The following DLGAP2 variants were observed in gnomAD, a reference collection of about 807,000 sequenced individuals.
DLGAP2 encodes the protein disks large-associated protein 2.
In DLGAP2, 26 loss-of-function variants were observed where a neutral mutation model predicts 100.3. That is an observed-to-expected ratio of 0.26 (90% CI 0.19 to 0.36). The LOEUF is 0.36. Ranked by LOEUF, DLGAP2 falls within the 10% of genes least tolerant of loss-of-function variation. The pLI is 1.00. For synonymous variants in DLGAP2, 886 were observed against 630.1 expected (o/e 1.41, Z -6.08); for missense variants, 1,858 against 1,453.2 (o/e 1.28, Z -4.53).
intron 2 of DLGAP2, among the ~76,000 whole-genome samples, chr8:1,159,408 C>A (rs923559174): frequency 6.6e-6 from 1 of 152,206 alleles, no homozygotes; most frequent in Admixed American, 6.5e-5. Context: ...ATCAAAAATG[C>A]ATCTCAGAGC....
chr8:924,930 T>C (rs1404750254), intron 2 of DLGAP2, among the ~76,000 whole-genome samples: 1 of 152,190 alleles, frequency 6.6e-6, no homozygotes, highest in African/African-American at 2.4e-5. Context: ...GAAGGCCTGC[T>C]TGCTATTAAT....
chr8:1,548,675 C>A lies in DLGAP2; in HGVS notation c.222C>A (p.Tyr74Ter). The change falls in exon 5 of 15, where the codon TAC becomes TAA. Residue 74 changes from tyrosine to a stop codon, truncating the protein, a stop_gained. Transcript: ENST00000637795. LOFTEE classifies it high-confidence loss of function. Reference protein sequence around the residue: ...SPTQHFNEERYSPAPRSMKGL... With the variant: ...SPTQHFNEER ...CGCAGCACTTCAATGAGGAGCGCTACTCGCCCGCGCCCAGGAGCATGAAGG... is the reference window on the plus strand; with the variant it reads ...CGCAGCACTTCAATGAGGAGCGCTAATCGCCCGCGCCCAGGAGCATGAAGG... The A allele has an allele frequency of 1.3e-6, 2 of 1,598,730 alleles. No homozygotes were observed. Among genetic ancestry groups the A allele is most frequent in the Non-Finnish European group, 1.7e-6 (2 of 1,174,256 alleles).
chr8:815,890 C>T (rs1183385099), intron 1 of DLGAP2, among the ~76,000 whole-genome samples: 1 of 152,166 alleles, frequency 6.6e-6, no homozygotes, highest in African/African-American at 2.4e-5. Flanking sequence ...TTGGGAGCTT[C>T]AGTGTTAGTT....
In DLGAP2 at chr8:1,561,931, G is replaced by T. The variant is rs188376555; in HGVS notation, c.1231-3752G>T. On this transcript the variant is annotated intron_variant, in intron 5 of 14. Coordinates refer to ENST00000637795, the MANE Select transcript of DLGAP2 (RefSeq NM_001346810.2). Reference sequence around the variant, plus strand: ...TGTGGAGTTGGGGTGTCCGCGCCTCGTTGCTGCGGGACTGTGTGGTGTTGG... The same window carrying T: ...TGTGGAGTTGGGGTGTCCGCGCCTCTTTGCTGCGGGACTGTGTGGTGTTGG... Among the ~76,000 whole-genome samples the T allele has an allele frequency of 3.6e-3, 206 of 57,646 alleles. 24 individuals are homozygous for T. The highest frequency in any genetic ancestry group is 0.015 in the African/African-American group (195 of 12,844). The allele number at this position is 57,646 out of a possible 152,430, so 37.8% of individuals were successfully genotyped here. A position where few individuals can be genotyped will look rare whatever the true frequency, so the allele number is the denominator to read the frequency against.
At chr8:1,624,885 CTT>C (rs1417159163) in intron 6 of DLGAP2, among the ~76,000 whole-genome samples, 1 of 151,202 alleles carries the variant, frequency 6.6e-6, no homozygotes, top group Non-Finnish European at 1.5e-5. Flanking sequence ...CTCTCTCTCT[CTT>C]TCCTTTTTTT....
intron 1 of DLGAP2, among the ~76,000 whole-genome samples, chr8:829,045 C>G (rs1455912836): frequency 6.6e-6 from 1 of 152,116 alleles, no homozygotes; most frequent in Non-Finnish European, 1.5e-5. Flanking sequence ...TTTGACAAAC[C>G]TGATTTTTTT....
rs369144096 is a variant in DLGAP2 at position 1,678,403 on chromosome 8, C to T, written c.2478C>T (p.Leu826=). The T allele has an allele frequency of 3.1e-6, 5 of 1,613,750 alleles. No homozygotes were observed. In the East Asian group the frequency reaches 6.7e-5, roughly 22 times the overall value. Residue 826 remains leucine, a synonymous_variant, in exon 12 of 15, where the codon CTC becomes CTT. Transcript: ENST00000637795. ...SAVRTVRTQG[L]FSYREDYRTQ... ...TGAGAACTGTACGGACCCAGGGGCT[C>T]TTCAGCTATAGAGAAGACTATCGGA...
intron 1 of DLGAP2, among the ~76,000 whole-genome samples, chr8:757,551 T>C (rs896493509): frequency 2.0e-5 from 3 of 152,152 alleles, no homozygotes; most frequent in Admixed American, 6.5e-5. Context: ...GGTTTTCCAT[T>C]TGGACCCGGC....
chr8:790,881 G>C (rs1822007381), intron 1 of DLGAP2, among the ~76,000 whole-genome samples: 1 of 152,062 alleles, frequency 6.6e-6, no homozygotes, highest in African/African-American at 2.4e-5. Flanking sequence ...GAGTAGCTGG[G>C]ACTACAGGTG....
chr8:1,200,915 G>C (rs553590472), intron 2 of DLGAP2, among the ~76,000 whole-genome samples: 2 of 152,210 alleles, frequency 1.3e-5, no homozygotes, highest in African/African-American at 4.8e-5. Context: ...CGCCGCCTCC[G>C]GGCGGTGCGC....
At chr8:1,340,086 T>A (rs557078557) in intron 3 of DLGAP2, among the ~76,000 whole-genome samples, 1 of 152,236 alleles carries the variant, frequency 6.6e-6, no homozygotes, top group African/African-American at 2.4e-5. Context: ...ATGCCAAAAT[T>A]AATTCAAGAT....
At chr8:1,692,975 CAT>C (rs1450032548) in intron 13 of DLGAP2, among the ~76,000 whole-genome samples, 2 of 147,796 alleles carry the variant, frequency 1.4e-5, no homozygotes, top group South Asian at 2.1e-4. Flanking sequence ...ATATACATCT[CAT>C]ATATATTAGA....
intron 1 of DLGAP2, among the ~76,000 whole-genome samples, chr8:825,461 C>A (rs187241533): frequency 6.6e-6 from 1 of 152,192 alleles, no homozygotes; most frequent in Non-Finnish European, 1.5e-5. Flanking sequence ...CGGTGAGTGC[C>A]AGGCAGTCTT....
At chr8:1,342,388 C>A (rs140295569) in intron 3 of DLGAP2, among the ~76,000 whole-genome samples, 9 of 152,112 alleles carry the variant, frequency 5.9e-5, no homozygotes, top group Non-Finnish European at 1.2e-4. Context: ...GCAGGTCTTC[C>A]GATTTTAAGT....
intron 4 of DLGAP2, among the ~76,000 whole-genome samples, chr8:1,526,423 A>G (rs1279221171): frequency 6.6e-6 from 1 of 151,962 alleles, no homozygotes; most frequent in Non-Finnish European, 1.5e-5. Flanking sequence ...TCAGTGGTGG[A>G]GCTGGATTTA....
intron 3 of DLGAP2, among the ~76,000 whole-genome samples, chr8:1,376,855 C>A (rs72507641): frequency 2.0e-5 from 3 of 149,220 alleles, no homozygotes; most frequent in African/African-American, 7.6e-5. Context: ...GCCGTGAAAG[C>A]GAAATGTGCA....
At chr8:1,020,090 A>C (rs986952218) in intron 2 of DLGAP2, among the ~76,000 whole-genome samples, 1 of 152,242 alleles carries the variant, frequency 6.6e-6, no homozygotes, top group African/African-American at 2.4e-5. Context: ...AATTTTTATA[A>C]AGCAAATATA....
intron 3 of DLGAP2, among the ~76,000 whole-genome samples, chr8:1,363,180 G>A (rs1038492897): frequency 8.5e-5 from 13 of 152,250 alleles, no homozygotes; most frequent in Admixed American, 6.5e-4. Context: ...GCCAGGCTGC[G>A]GGCACCAGCC....
intron 2 of DLGAP2, among the ~76,000 whole-genome samples, chr8:997,202 G>A (rs1223266535): frequency 2.0e-5 from 3 of 152,164 alleles, no homozygotes; most frequent in African/African-American, 4.8e-5. Flanking sequence ...GCAACAGCAT[G>A]CTTTGGGAAC....
Sources: allele counts gnomAD v4.1 joint callset (sites outside exome capture counted in the v4.1 genomes callset), GRCh38; gene constraint gnomAD v4.1.1; transcripts MANE v1.5; gene names NCBI Gene and HGNC (gene_info 2026-07-23, HGNC 2026-07-21).